ZNF469: variants seen among roughly 807,000 people sequenced by gnomAD.
The protein encoded by ZNF469 is zinc finger protein 469.
A neutral mutation model predicts 1.0 loss-of-function variants in ZNF469; 1 was observed. The observed-to-expected ratio is 1.00, with a 90% CI of 0.35 to 4.73. ZNF469 has a LOEUF of 4.73. Among genes scored for constraint, ZNF469 ranks in the 30% most tolerant of loss-of-function variants. ZNF469 has a pLI of 0.16. For synonymous variants in ZNF469, 2,703 were observed against 2,363.4 expected, an observed-to-expected ratio of 1.14 and a Z score of -4.17; for missense variants, 6,100 against 5,356.3, an observed-to-expected ratio of 1.14 and a Z score of -4.33.
At chr16:88,248,432 C>T in the ZNF469 span, among the ~76,000 whole-genome samples, 5 of 152,264 alleles carry the variant, frequency 3.3e-5, no homozygotes, top group African/African-American at 1.2e-4. Flanking sequence ...CCCCCAACTG[C>T]CAGGCACAGT....
In ZNF469 at chr16:88,438,219, C is replaced by G. The variant is rs1392185183; in HGVS notation, c.10749C>G (p.Ser3583=). 8 of 1,546,880 alleles carry G rather than the reference C, an allele frequency of 5.2e-6. No homozygotes were observed. Among genetic ancestry groups the G allele is most frequent in the South Asian group, 3.6e-5 (3 of 83,930 alleles). The change falls in exon 3 of 3, where the codon TCC becomes TCG. Residue 3583 remains serine (S), a synonymous_variant. Transcript: ENST00000565624. ...GALERPENEA[S]PGSPGPLLQQ... ...TGGAGAGGCCAGAGAACGAGGCTTC[C>G]CCAGGCAGCCCCGGGCCTCTTCTCC...
the ZNF469 span, among the ~76,000 whole-genome samples, chr16:88,364,371 G>A: frequency 2.9e-3 from 446 of 151,500 alleles, 1 homozygote; most frequent in Non-Finnish European, 4.0e-3. Context: ...CTCACAGGAA[G>A]TCACAATATC....
chr16:88,324,062 C>A, the ZNF469 span, among the ~76,000 whole-genome samples: 2 of 152,230 alleles, frequency 1.3e-5, no homozygotes, highest in South Asian at 4.1e-4. Context: ...TCAGCTGGAG[C>A]AGCTGGGCTG....
chr16:88,144,880 C>G, the ZNF469 span, among the ~76,000 whole-genome samples: 5 of 151,162 alleles, frequency 3.3e-5, no homozygotes, highest in Non-Finnish European at 5.9e-5. Flanking sequence ...GGCGGGGTCT[C>G]GCTCTGTAGC....
the ZNF469 span, among the ~76,000 whole-genome samples, chr16:88,299,249 G>T: frequency 1.3e-5 from 2 of 151,622 alleles, no homozygotes; most frequent in Admixed American, 1.3e-4. Flanking sequence ...CTTGCGGCGG[G>T]GTAGGCTTCC....
the ZNF469 span, among the ~76,000 whole-genome samples, chr16:88,375,570 G>A: frequency 3.3e-5 from 5 of 152,314 alleles, no homozygotes; most frequent in African/African-American, 9.6e-5. Flanking sequence ...CCCAGACATC[G>A]CCCCTGCCGG....
the ZNF469 span, among the ~76,000 whole-genome samples, chr16:88,281,160 T>C: frequency 1.4e-5 from 2 of 143,084 alleles, no homozygotes; most frequent in East Asian, 2.4e-4. Flanking sequence ...GCTTGGTCAG[T>C]ACTGTGCTGA....
chr16:88,222,776 CA>C, the ZNF469 span, among the ~76,000 whole-genome samples: 1 of 150,954 alleles, frequency 6.6e-6, no homozygotes, highest in South Asian at 2.1e-4. Flanking sequence ...AAAACAAAAA[CA>C]TTCTAGAGAC....
intron 1 of ZNF469, among the ~76,000 whole-genome samples, chr16:88,405,711 G>A (rs1429228038): frequency 6.6e-6 from 1 of 152,176 alleles, no homozygotes; most frequent in Non-Finnish European, 1.5e-5. Context: ...AGTGCACGTG[G>A]GTGTGCAGGC....
the ZNF469 span, among the ~76,000 whole-genome samples, chr16:88,336,294 C>A: frequency 6.6e-6 from 1 of 151,092 alleles, no homozygotes; most frequent in African/African-American, 2.4e-5. Context: ...CAGTGATGCG[C>A]CAATACCACA....
the ZNF469 span, among the ~76,000 whole-genome samples, chr16:88,138,928 C>T: frequency 3.3e-5 from 5 of 152,220 alleles, no homozygotes; most frequent in South Asian, 4.1e-4. Flanking sequence ...CACCATTCGG[C>T]TGCCTGGAAA....
chr16:88,386,368 G>A (rs577589923), intron 1 of ZNF469, among the ~76,000 whole-genome samples: 110 of 152,048 alleles, frequency 7.2e-4, no homozygotes, highest in South Asian at 3.3e-3. Flanking sequence ...CCTCCTGCCC[G>A]GGACCCCACC....
chr16:88,301,571 G>C, the ZNF469 span, among the ~76,000 whole-genome samples: 2 of 152,232 alleles, frequency 1.3e-5, no homozygotes, highest in Admixed American at 1.3e-4. Context: ...CGTCAGGCGA[G>C]TAGGGGACAC....
At chr16:88,311,053 A>G in the ZNF469 span, among the ~76,000 whole-genome samples, 1 of 151,986 alleles carries the variant, frequency 6.6e-6, no homozygotes, top group African/African-American at 2.4e-5. Flanking sequence ...GCTCCTCTCC[A>G]ACTCCTTGTT....
In ZNF469 at chr16:88,433,145, G is replaced by T. The variant is rs528085780; in HGVS notation, c.5675G>T (p.Arg1892Met). The change falls in exon 3 of 3, where the codon AGG (arginine) becomes ATG (methionine). Residue 1892 changes from arginine to methionine, a missense_variant. Coordinates refer to ENST00000565624, the MANE Select transcript of ZNF469 (RefSeq NM_001367624.2). ...GTATCCAACACCCACCCTAGCAGGAGGTCCCAGGACCCAGCTTTGAGCCCC... is the reference window on the plus strand; with the variant it reads ...GTATCCAACACCCACCCTAGCAGGATGTCCCAGGACCCAGCTTTGAGCCCC... ...ACVSNTHPSR[R>M]SQDPALSPPI... The T allele has an allele frequency of 1.3e-6, 2 of 1,550,240 alleles. No homozygotes were observed. Among genetic ancestry groups the T allele is most frequent in the Non-Finnish European group, 1.7e-6 (2 of 1,146,962 alleles).
At chr16:88,157,473 G>T in the ZNF469 span, among the ~76,000 whole-genome samples, 1 of 152,126 alleles carries the variant, frequency 6.6e-6, no homozygotes, top group South Asian at 2.1e-4. Flanking sequence ...TCTCCTCTGT[G>T]TCACTGTGGC....
At position 88,427,524 on chromosome 16, in the gene ZNF469, G is replaced by A; in HGVS notation, c.54G>A (p.Leu18=). ...CGCCCCCCACCATGACTGGAGACCT[G>A]CAGCCCCGCCAAGTTGCCAGCAGCC... ...GAPPPTMTGD[L]QPRQVASSPG... Residue 18 remains leucine (L), a synonymous_variant, in exon 3 of 3, where the codon CTG becomes CTA. Transcript: ENST00000565624. 1.3e-6 allele frequency: 2 copies of A among 1,535,064 alleles called. No homozygotes were observed. Among genetic ancestry groups the A allele is most frequent in the Non-Finnish European group, 1.7e-6 (2 of 1,145,336 alleles).
rs1906903433 is a variant in ZNF469 at position 88,440,205 on chromosome 16, TG to T, written c.*878del. Reference sequence around the variant, plus strand: ...AGGCTTCCTTGATTTTTTTTTTTAATGGGGGTATTGGGTGGGACAGACGGGG... The same window carrying T: ...AGGCTTCCTTGATTTTTTTTTTTAATGGGGTATTGGGTGGGACAGACGGGG... On this transcript the variant is annotated 3_prime_UTR_variant, in exon 3 of 3. Transcript: ENST00000565624. 6.6e-6 allele frequency: 1 copy of T among 151,620 alleles called. No individual in the cohort carries two copies. Among genetic ancestry groups the T allele is most frequent in the Non-Finnish European group, 1.5e-5 (1 of 67,904 alleles). 9.4% of individuals were successfully genotyped at this position (151,620 alleles called of 1,614,324 possible).
the ZNF469 span, among the ~76,000 whole-genome samples, chr16:88,372,486 C>G: frequency 1.3e-5 from 2 of 150,864 alleles, no homozygotes; most frequent in African/African-American, 2.4e-5. Flanking sequence ...CCATGATTAC[C>G]ACCATCACCA....
Sources: gnomAD v4.1 joint callset for allele counts (sites outside exome capture counted in the v4.1 genomes callset) on GRCh38, gnomAD v4.1.1 for gene constraint, MANE v1.5 for transcripts, NCBI Gene and HGNC (gene_info 2026-07-23, HGNC 2026-07-21) for gene names.